Variants in LIPC observed in about 807,000 individuals in gnomAD.
LIPC encodes lipase C, hepatic type.
Under a neutral mutation model 50.7 loss-of-function variants are expected in LIPC, and 44 were observed. The observed-to-expected ratio is 0.87, with a 90% confidence interval of 0.68 to 1.11. LIPC has a LOEUF of 1.11. Among genes scored for constraint, LIPC ranks in the 50% most tolerant of loss-of-function variants. The pLI is 0.00. For synonymous variants in LIPC, 271 were observed against 256.4 expected, an observed-to-expected ratio of 1.06 and a Z score of -0.54; for missense variants, 697 against 648.2, an observed-to-expected ratio of 1.08 and a Z score of -0.82.
intron 1 of LIPC, among the ~76,000 whole-genome samples, chr15:58,517,376 C>G (rs1023505806): frequency 6.6e-6 from 1 of 152,268 alleles, no homozygotes; most frequent in African/African-American, 2.4e-5. Flanking sequence ...GTTGCCATAA[C>G]ACTGCATATC....
At chr15:58,462,332 A>C (rs187671951) in intron 1 of LIPC, among the ~76,000 whole-genome samples, 1 of 152,302 alleles carries the variant, frequency 6.6e-6, no homozygotes, top group African/African-American at 2.4e-5. Context: ...ATGAATGAAC[A>C]CAAGAATAAA....
chr15:58,506,956 T>A (rs778283405), intron 1 of LIPC, among the ~76,000 whole-genome samples: 45 of 152,124 alleles, frequency 3.0e-4, no homozygotes, highest in African/African-American at 1.0e-3. Flanking sequence ...CTTCCGCAAA[T>A]GGTGGCAACA....
intron 1 of LIPC, among the ~76,000 whole-genome samples, chr15:58,476,422 G>C (rs913804382): frequency 5.3e-5 from 8 of 152,224 alleles, no homozygotes; most frequent in African/African-American, 1.4e-4. Flanking sequence ...ATGCAGTCTG[G>C]TTCCTCCTGA....
chr15:58,498,678 T>G (rs1322473632), intron 1 of LIPC: 16 of 152,200 alleles, frequency 1.1e-4, no homozygotes, highest in African/African-American at 3.9e-4. Context: ...CCCCAGCAGC[T>G]GAGCCAGAAG....
intron 1 of LIPC, among the ~76,000 whole-genome samples, chr15:58,526,387 T>G (rs1451022981): frequency 2.0e-5 from 3 of 152,124 alleles, no homozygotes; most frequent in Non-Finnish European, 2.9e-5. Context: ...CTCCTCGAGG[T>G]GCCTGATTCA....
At chr15:58,507,409 A>G (rs1329482416) in intron 1 of LIPC, among the ~76,000 whole-genome samples, 1 of 152,258 alleles carries the variant, frequency 6.6e-6, no homozygotes, top group Non-Finnish European at 1.5e-5. Flanking sequence ...ATTATTAAAC[A>G]TGCAAATAAG....
intron 6 of LIPC, among the ~76,000 whole-genome samples, chr15:58,551,348 C>G (rs1893751606): frequency 6.6e-6 from 1 of 152,182 alleles, no homozygotes; most frequent in Non-Finnish European, 1.5e-5. Context: ...ATACTGCTAT[C>G]TATATAATGT....
At chr15:58,440,904 C>T (rs868606689) in intron 1 of LIPC, among the ~76,000 whole-genome samples, 1 of 152,076 alleles carries the variant, frequency 6.6e-6, no homozygotes, top group Admixed American at 6.5e-5. Context: ...TGGGGTGGCC[C>T]TGGATGGGGT....
intron 8 of LIPC, among the ~76,000 whole-genome samples, chr15:58,564,992 G>A (rs1002806481): frequency 1.2e-4 from 18 of 152,264 alleles, no homozygotes; most frequent in Middle Eastern, 3.4e-3. Context: ...CATAGAGGTG[G>A]AAAACAGCAG....
Position 58,514,213 on chromosome 15 carries a change from G to T in LIPC, c.89-24120G>T, listed in dbSNP as rs1050097404. Among the ~76,000 whole-genome samples, 7 of 152,334 alleles carry T rather than the reference G, an allele frequency of 4.6e-5. 1 individual carries two copies. The highest frequency in any genetic ancestry group is 8.8e-5 in the Non-Finnish European group (6 of 68,040). ...ACTTTCTAGCTGTGTGGCTGAGCAC[G>T]CTTCTCGCCCTTTCTAAGTCTTGGC... On this transcript the variant is annotated intron_variant, in intron 1 of 8. Transcript: ENST00000299022.
intron 1 of LIPC, among the ~76,000 whole-genome samples, chr15:58,449,677 T>C (rs1468893006): frequency 6.6e-6 from 1 of 151,976 alleles, no homozygotes; most frequent in African/African-American, 2.4e-5. Context: ...GTAGATGGGA[T>C]TACAAGCTTG....
chr15:58,496,997 A>C (rs1891795246), intron 1 of LIPC, among the ~76,000 whole-genome samples: 1 of 152,022 alleles, frequency 6.6e-6, no homozygotes, highest in Non-Finnish European at 1.5e-5. Flanking sequence ...TTTAAAGTAA[A>C]TCTTGATTGA....
At position 58,548,773 on chromosome 15, in the gene LIPC, T is replaced by G. The variant is rs180818510; in HGVS notation, c.1051+201T>G. ...GTGTGGCCACCTTGCCGCCAAGGGC[T>G]AGGAGGAGAAACCTCGACCATTTCT... is the stretch of plus-strand genomic sequence containing the variant. On this transcript the variant is annotated intron_variant, in intron 6 of 8. Coordinates refer to ENST00000299022, the MANE Select transcript of LIPC (RefSeq NM_000236.3). 6.0e-3 allele frequency among the ~76,000 whole-genome samples: 919 copies of G among 152,342 alleles called. 10 individuals carry two copies. The highest frequency in any genetic ancestry group is 0.021 in the African/African-American group (864 of 41,572).
In LIPC at chr15:58,478,415, T is replaced by C. The variant is rs142830005; in HGVS notation, c.88+46295T>C. ...CACCATACCTGGATAATTTTTGTAT[T>C]TTTAGTAGAGATAGGGTTTCAACAT... On this transcript the variant is annotated intron_variant, in intron 1 of 8. Transcript: ENST00000299022. Among the ~76,000 whole-genome samples, 48 of 152,176 alleles carry C rather than the reference T, an allele frequency of 3.2e-4. 1 individual carries two copies. Among genetic ancestry groups the C allele is most frequent in the African/African-American group, 1.1e-3 (45 of 41,492 alleles).
intron 6 of LIPC, among the ~76,000 whole-genome samples, chr15:58,552,555 G>T (rs976833863): frequency 6.6e-6 from 1 of 152,112 alleles, no homozygotes; most frequent in African/African-American, 2.4e-5. Context: ...CCTCACCCAC[G>T]GCCCTGCACT....
intron 1 of LIPC, among the ~76,000 whole-genome samples, chr15:58,458,448 C>G (rs1894216913): frequency 6.6e-6 from 1 of 152,190 alleles, no homozygotes; most frequent in Admixed American, 6.5e-5. Flanking sequence ...GCATATGCTG[C>G]TGTTATAATA....
chr15:58,504,817 G>C lies in LIPC; in HGVS notation c.89-33516G>C, dbSNP rs559246485. 3.9e-5 allele frequency among the ~76,000 whole-genome samples: 6 copies of C among 152,288 alleles called. No individual in the cohort carries two copies. The East Asian group carries it at 9.6e-4, about 24-fold the overall frequency. On this transcript the variant is annotated intron_variant, in intron 1 of 8. Coordinates refer to ENST00000299022, the MANE Select transcript of LIPC (RefSeq NM_000236.3). The stretch of plus-strand genomic sequence containing the variant: ...CAGATCTCTAAGCACGACCCAGTGT[G>C]TAACTCCAAATGGCCCCATTATCCT...
chr15:58,559,641 G>A (rs548520466), intron 6 of LIPC, among the ~76,000 whole-genome samples: 1 of 151,090 alleles, frequency 6.6e-6, no homozygotes, highest in Non-Finnish European at 1.5e-5. Flanking sequence ...AGGAGGTCAA[G>A]GCTGCAGTAA....
intron 2 of LIPC, among the ~76,000 whole-genome samples, chr15:58,539,472 T>A (rs1380767074): frequency 1.3e-5 from 2 of 152,136 alleles, no homozygotes; most frequent in African/African-American, 4.8e-5. Context: ...ATAGATGAAG[T>A]CAAACCATGT....
Sources: gnomAD v4.1 joint callset for allele counts (sites outside exome capture counted in the v4.1 genomes callset) on GRCh38, gnomAD v4.1.1 for gene constraint, MANE v1.5 for transcripts, NCBI Gene and HGNC (gene_info 2026-07-23, HGNC 2026-07-21) for gene names.